XIST: variants seen among roughly 807,000 people sequenced by gnomAD.
The protein encoded by XIST is X inactive specific transcript.
exon 1 of XIST, chrX:73,849,505 T>C: frequency 1.8e-6 from 1 of 558,736 alleles, no homozygotes; most frequent in Non-Finnish European, 3.2e-6. Context: ...AGAGAAATGG[T>C]TTCTCCTTTA....
At chrX:73,838,453 G>A (rs749625011) in intron 1 of XIST, among the ~76,000 whole-genome samples, 29 of 110,203 alleles carry the variant, frequency 2.6e-4, no homozygotes, top group South Asian at 7.6e-4. Flanking sequence ...GTCTAGCACC[G>A]GTCAAATTTA....
exon 1 of XIST, chrX:73,851,870 G>C: frequency 1.8e-6 from 1 of 558,686 alleles, no homozygotes; most frequent in Non-Finnish European, 3.2e-6. Context: ...CTTAACTGCA[G>C]AGTCATTCTC....
rs201261360 is a variant in XIST at position 73,824,521 on chromosome X, G to C, written n.15380C>G. ...GTTCACATAGTAGGCAATCAAAATT[G>C]ATCTATTTAACAGGTATTTAAACCC... On this transcript the variant is annotated non_coding_transcript_exon_variant, in exon 6 of 6. Transcript: ENST00000429829. The C allele has an allele frequency of 1.8e-3, 993 of 554,741 alleles. 2 individuals carry two copies. The Middle Eastern group carries it at 0.026, about 14-fold the overall frequency. The allele number at this position is 554,741 out of a possible 1,213,427, so 45.7% of individuals were successfully genotyped here.
exon 6 of XIST, chrX:73,824,458 A>G (rs1444198317): frequency 1.8e-6 from 1 of 557,677 alleles, no homozygotes; most frequent in South Asian, 2.2e-5. Flanking sequence ...GCTGTGGCTA[A>G]ATGAAATATG....
At chrX:73,850,062 T>A in exon 1 of XIST, 1 of 558,824 alleles carries the variant, frequency 1.8e-6, no homozygotes. Context: ...AAGTAGGTGA[T>A]TAGTCAATTA....
chrX:73,836,529 C>T (rs892239870), intron 2 of XIST, among the ~76,000 whole-genome samples: 8 of 111,353 alleles, frequency 7.2e-5, no homozygotes, highest in African/African-American at 2.6e-4. Flanking sequence ...GAGTTGGAGA[C>T]GTAGGTATAA....
At chrX:73,845,489 G>C (rs775735098) in exon 1 of XIST, 1 of 556,634 alleles carries the variant, frequency 1.8e-6, no homozygotes, top group African/African-American at 2.2e-5. Flanking sequence ...GACACTCCCT[G>C]GTGGAAGGGA....
chrX:73,852,696 C>T (rs762707041), exon 1 of XIST: 1 of 446,535 alleles, frequency 2.2e-6, no homozygotes, highest in Non-Finnish European at 3.8e-6. Flanking sequence ...GCTTCCAGCC[C>T]CGAGAGAGTA....
chrX:73,829,376 G>A (rs1268102963), intron 4 of XIST: 1 of 416,418 alleles, frequency 2.4e-6, no homozygotes, highest in Non-Finnish European at 4.2e-6. Context: ...TAGGTCTTTA[G>A]AGAGAAAATT....
chrX:73,824,130 G>A (rs1922196103), exon 6 of XIST: 1 of 529,959 alleles, frequency 1.9e-6, no homozygotes, highest in Non-Finnish European at 3.4e-6. Flanking sequence ...ATTATAAATT[G>A]ATTTTACACA....
intron 1 of XIST, among the ~76,000 whole-genome samples, chrX:73,839,716 C>T (rs993804388): frequency 9.1e-6 from 1 of 110,342 alleles, no homozygotes; most frequent in Non-Finnish European, 1.9e-5. Flanking sequence ...TCCAGAGCAT[C>T]CCTTTTTACA....
At chrX:73,821,849 T>G (rs1269260758) in exon 6 of XIST, 3 of 544,839 alleles carry the variant, frequency 5.5e-6, no homozygotes, top group African/African-American at 2.2e-5. Flanking sequence ...GCTGTTTTCA[T>G]CCACTGATAT....
intron 5 of XIST, chrX:73,828,133 T>C: frequency 4.6e-6 from 2 of 431,385 alleles, no homozygotes; most frequent in South Asian, 3.8e-5. Context: ...TAATAAACTA[T>C]TGTTACTACG....
exon 6 of XIST, chrX:73,821,120 T>C (rs1460716480): frequency 3.6e-6 from 2 of 558,214 alleles, no homozygotes; most frequent in Admixed American, 4.4e-5. Flanking sequence ...TGTTACTGAG[T>C]CCAGCTGATA....
chrX:73,821,264 AT>A (rs1429190716), exon 6 of XIST: 1 of 556,504 alleles, frequency 1.8e-6, no homozygotes, highest in Non-Finnish European at 3.2e-6. Context: ...TTTGACATTT[AT>A]CTATTTCCTT....
chrX:73,848,143 G>A (rs749443876), exon 1 of XIST: 92 of 556,924 alleles, frequency 1.7e-4, no homozygotes, highest in Non-Finnish European at 2.7e-4. Context: ...CTAAGAGGGT[G>A]TGAGCAGTTG....
At chrX:73,820,778 T>C (rs900654964) in exon 6 of XIST, 1 of 556,049 alleles carries the variant, frequency 1.8e-6, no homozygotes, top group Non-Finnish European at 3.2e-6. Flanking sequence ...TATTTTTCAA[T>C]CTTCCAAACA....
exon 6 of XIST, chrX:73,823,309 CTTTTTT>C: frequency 2.3e-6 from 1 of 440,176 alleles, no homozygotes; most frequent in Middle Eastern, 4.9e-4. Context: ...ATTTTTCTTT[CTTTTTT>C]TTTTTTTTTT....
chrX:73,833,097 A>C (rs1392939670), intron 3 of XIST: 1 of 426,616 alleles, frequency 2.3e-6, no homozygotes, highest in East Asian at 3.7e-5. Context: ...GCCTCAAGTG[A>C]TCCCCCCACC....
Sources: gnomAD v4.1 joint callset for allele counts (sites outside exome capture counted in the v4.1 genomes callset) on GRCh38, gnomAD v4.1.1 for gene constraint, MANE v1.5 for transcripts, NCBI Gene and HGNC (gene_info 2026-07-23, HGNC 2026-07-21) for gene names.